DRD1: variants seen among roughly 807,000 people sequenced by gnomAD.
DRD1 encodes the protein dopamine receptor D1.
DRD1 carries 2 observed loss-of-function variants against 23.8 expected under a neutral mutation model. That is an observed-to-expected ratio of 0.08 (90% CI 0.03 to 0.26). DRD1 has a LOEUF of 0.26. DRD1 is among the 10% of genes least tolerant of loss of function. DRD1 has a pLI of 1.00. For synonymous variants in DRD1, 218 were observed against 225.7 expected (o/e 0.97, Z 0.30); for missense variants, 376 against 559.0 (o/e 0.67, Z 3.30).
rs777044090 is a variant in DRD1, at chr5:175,442,421, G to T, written c.679C>A (p.Arg227Ser). Reference sequence around the variant, plus strand: ...GCTGCCCTCTCCAAGGCCGCAATGCGCCGTATTTGTTTCTGAGCAATCCTG... The same window carrying T: ...GCTGCCCTCTCCAAGGCCGCAATGCTCCGTATTTGTTTCTGAGCAATCCTG... ...IYRIAQKQIR[R>S]IAALERAAVH... Residue 227 changes from arginine (R) to serine (S), a missense_variant, in exon 2 of 2, where the codon CGC becomes AGC. Arg to Ser is a moderately radical substitution (Grantham distance 110). Transcript: ENST00000393752. This position sits in a 1 kb window ranked among gnomAD's most constrained non-coding sequence, Gnocchi z 7.3. The T allele has an allele frequency of 6.2e-7, 1 of 1,614,164 alleles. No homozygotes were observed. Among genetic ancestry groups the T allele is most frequent in the Non-Finnish European group, 8.5e-7 (1 of 1,180,038 alleles).
Position 175,443,221 on chromosome 5 carries a change from T to C in DRD1, c.-122A>G. ...GCAGCACTTTGCACAGCCAGATTGCTTCCCTGGCAGAGGGCCTCACCAACA... is the reference window on the plus strand; with the variant it reads ...GCAGCACTTTGCACAGCCAGATTGCCTCCCTGGCAGAGGGCCTCACCAACA... On this transcript the variant is annotated 5_prime_UTR_variant, in exon 2 of 2. Transcript: ENST00000393752. The C allele has an allele frequency of 7.3e-7, 1 of 1,368,898 alleles. No individual in the cohort carries two copies. 84.8% of individuals were successfully genotyped at this position (1,368,898 alleles called of 1,614,324 possible). A position where few individuals can be genotyped will look rare whatever the true frequency, so the allele number is the denominator to read the frequency against.
At position 175,441,928 on chromosome 5, in the gene DRD1, A is replaced by G. The variant is rs1758526314; in HGVS notation, c.1172T>C (p.Ile391Thr). The G allele has an allele frequency of 6.2e-7, 1 of 1,613,954 alleles. No homozygotes were observed. The highest frequency in any genetic ancestry group is 8.5e-7 in the Non-Finnish European group (1 of 1,180,008). Residue 391 changes from isoleucine (I) to threonine (T), a missense_variant, in exon 2 of 2, where the codon ATC (isoleucine) becomes ACC (threonine). Ile to Thr is a moderately conservative substitution (Grantham distance 89, BLOSUM62 -1). Around this residue, in one of 5 missense-constraint regions of DRD1, gnomAD observed 117 missense variants for 126.9 expected, o/e 0.92. Transcript: ENST00000393752. ...CTCAGAGGAGCCCACAGCATGTGGGATCAGGTAAACCAGATTGCACTCCTT... is the reference window on the plus strand; with the variant it reads ...CTCAGAGGAGCCCACAGCATGTGGGGTCAGGTAAACCAGATTGCACTCCTT... Reference protein sequence around the residue: ...ISKECNLVYLIPHAVGSSEDL... With the variant: ...ISKECNLVYLTPHAVGSSEDL...
At position 175,441,921 on chromosome 5, in the gene DRD1, A is replaced by G; in HGVS notation, c.1179T>C (p.His393=). Residue 393 remains histidine (H), a synonymous_variant, in exon 2 of 2, where the codon CAT becomes CAC. Transcript: ENST00000393752. Reference sequence around the variant, plus strand: ...TCAGGTCCTCAGAGGAGCCCACAGCATGTGGGATCAGGTAAACCAGATTGC... The same window carrying G: ...TCAGGTCCTCAGAGGAGCCCACAGCGTGTGGGATCAGGTAAACCAGATTGC... The part of the protein sequence containing the change: ...KECNLVYLIP[H]AVGSSEDLKK... The G allele has an allele frequency of 6.2e-7, 1 of 1,614,180 alleles. No individual in the cohort carries two copies. The highest frequency in any genetic ancestry group is 1.1e-5 in the South Asian group (1 of 91,090).
Position 175,441,203 on chromosome 5 carries a change from A to T in DRD1, c.*556T>A, listed in dbSNP as rs1045715139. On this transcript the variant is annotated 3_prime_UTR_variant, in exon 2 of 2. Transcript: ENST00000393752. ...ATATATATTTATTATATCATAAATTAAAAATATCCATATATACAATAAATA... is the reference window on the plus strand; with the variant it reads ...ATATATATTTATTATATCATAAATTTAAAATATCCATATATACAATAAATA... The T allele has an allele frequency of 1.3e-5, 2 of 151,754 alleles. No homozygotes were observed. Among genetic ancestry groups the T allele is most frequent in the Non-Finnish European group, 2.9e-5 (2 of 67,904 alleles). 9.4% of individuals were successfully genotyped at this position (151,754 alleles called of 1,614,324 possible).
Position 175,441,647 on chromosome 5 carries a change from G to C in DRD1, c.*112C>G. 1 of 1,325,098 alleles carries C rather than the reference G, an allele frequency of 7.5e-7. No homozygotes were observed. The highest frequency in any genetic ancestry group is 1.0e-6 in the Non-Finnish European group (1 of 979,218). The allele number at this position is 1,325,098 out of a possible 1,614,324, so 82.1% of individuals were successfully genotyped here. ...ATTGTGTGTTGGAAAGCAGCAGAGG[G>C]CTCTCCTGACACCTCAGAGTCTCAC... On this transcript the variant is annotated 3_prime_UTR_variant, in exon 2 of 2. Transcript: ENST00000393752.
At position 175,442,857 on chromosome 5, in the gene DRD1, C is replaced by T. The variant is rs768680344; in HGVS notation, c.243G>A (p.Lys81=). The T allele has an allele frequency of 9.3e-6, 15 of 1,614,086 alleles. No individual in the cohort carries two copies. The South Asian group carries it at 1.6e-4, about 18-fold the overall frequency. The stretch of plus-strand genomic sequence containing the variant: ...AGAAGCCAGCAATCTCAGCCACTGC[C>T]TTCCAGGGCATGACCAGGACGGCCA... ...LLVAVLVMPW[K]AVAEIAGFWP... Residue 81 remains lysine, a synonymous_variant, in exon 2 of 2, where the codon AAG becomes AAA. Transcript: ENST00000393752. The surrounding 1 kb of genome is among the most constrained non-coding windows in gnomAD (Gnocchi z 7.3).
At position 175,441,753 on chromosome 5, in the gene DRD1, G is replaced by A. The variant is rs1758521579; in HGVS notation, c.*6C>T. 2.6e-6 allele frequency: 4 copies of A among 1,555,338 alleles called. No individual in the cohort carries two copies. The East Asian group carries it at 6.8e-5, about 26-fold the overall frequency. On this transcript the variant is annotated 3_prime_UTR_variant, in exon 2 of 2. Transcript: ENST00000393752. ...TGAGCATGTGTGGCAGGATTCATCT[G>A]CGAGTTCAGGTTGGGTGCTGACCGT... is the stretch of plus-strand genomic sequence containing the variant.
chr5:175,442,744 A>C lies in DRD1; in HGVS notation c.356T>G (p.Val119Gly). 6.2e-7 allele frequency: 1 copy of C among 1,614,118 alleles called. No homozygotes were observed. The highest frequency in any genetic ancestry group is 8.5e-7 in the Non-Finnish European group (1 of 1,180,032). Residue 119 changes from valine to glycine, a missense_variant, in exon 2 of 2, where the codon GTG becomes GGG. By Grantham distance (109) the Val-to-Gly change is moderately radical. Around this residue, in one of 5 missense-constraint regions of DRD1, gnomAD observed 121 missense variants for 239.4 expected, o/e 0.51. Coordinates refer to ENST00000393752, the MANE Select transcript of DRD1 (RefSeq NM_000794.5). This position sits in a 1 kb window ranked among gnomAD's most constrained non-coding sequence, Gnocchi z 7.3. ...GCTGGAGATAGCCCAATACCTGTCC[A>C]CGCTGATCACACAGAGGTTGAGGAT... The part of the protein sequence containing the change: ...ASILNLCVIS[V>G]DRYWAISSPF...
chr5:175,441,727 A>T lies in DRD1; in HGVS notation c.*32T>A. 1 of 1,531,198 alleles carries T rather than the reference A, an allele frequency of 6.5e-7. No homozygotes were observed. The highest frequency in any genetic ancestry group is 1.8e-4 in the Middle Eastern group (1 of 5,674). 94.9% of individuals were successfully genotyped at this position (1,531,198 alleles called of 1,614,324 possible). On this transcript the variant is annotated 3_prime_UTR_variant, in exon 2 of 2. Transcript: ENST00000393752. ...AGAGCAATCTCCTCTAGCTTTTGGG[A>T]TGAGCATGTGTGGCAGGATTCATCT...
Position 175,442,402 on chromosome 5 carries a change from C to A in DRD1, c.698G>T (p.Arg233Met). 6.2e-7 allele frequency: 1 copy of A among 1,614,206 alleles called. No homozygotes were observed. Among genetic ancestry groups the A allele is most frequent in the Non-Finnish European group, 8.5e-7 (1 of 1,180,042 alleles). The change falls in exon 2 of 2, where the codon AGG becomes ATG. Residue 233 changes from arginine to methionine, a missense_variant. Physicochemically the swap from Arg to Met is moderately conservative, Grantham distance 91. Transcript: ENST00000393752. The surrounding 1 kb of genome is among the most constrained non-coding windows in gnomAD (Gnocchi z 7.3). ...KQIRRIAALE[R>M]AAVHAKNCQT... ...GCAATTCTTGGCGTGGACTGCTGCC[C>A]TCTCCAAGGCCGCAATGCGCCGTAT... is the stretch of plus-strand genomic sequence containing the variant.
chr5:175,443,182 G>A lies in DRD1; in HGVS notation c.-83C>T, dbSNP rs1758556013. 6.5e-7 allele frequency: 1 copy of A among 1,532,654 alleles called. No individual in the cohort carries two copies. Among genetic ancestry groups the A allele is most frequent in the African/African-American group, 1.4e-5 (1 of 72,552 alleles). 94.9% of individuals were successfully genotyped at this position (1,532,654 alleles called of 1,614,324 possible). ...ATAGGGGTCAGTCAGATTTCCAGGA[G>A]TCCTCCCCACCAGGCAGCACTTTGC... is the stretch of plus-strand genomic sequence containing the variant. On this transcript the variant is annotated 5_prime_UTR_variant, in exon 2 of 2. Transcript: ENST00000393752.
In DRD1 at chr5:175,440,675, GA is replaced by G. The variant is rs1468715252; in HGVS notation, c.*1083del. The G allele has an allele frequency of 6.6e-6, 1 of 152,594 alleles. No individual in the cohort carries two copies. The highest frequency in any genetic ancestry group is 1.5e-5 in the Non-Finnish European group (1 of 68,032). 9.5% of individuals were successfully genotyped at this position (152,594 alleles called of 1,614,324 possible). A position where few individuals can be genotyped will look rare whatever the true frequency, so the allele number is the denominator to read the frequency against. On this transcript the variant is annotated 3_prime_UTR_variant, in exon 2 of 2. Transcript: ENST00000393752. ...CCAGGAAAGCCATTTGTGTGGTTCA[GA>G]AAAACTACCTGACACATGAAATGAG...
In DRD1 at chr5:175,443,170, A is replaced by C; in HGVS notation, c.-71T>G. The C allele has an allele frequency of 1.3e-6, 2 of 1,545,676 alleles. No homozygotes were observed. Among genetic ancestry groups the C allele is most frequent in the Admixed American group, 3.9e-5 (2 of 51,222 alleles). On this transcript the variant is annotated 5_prime_UTR_variant, in exon 2 of 2. Transcript: ENST00000393752. ...CCCAAGCAGGGAATAGGGGTCAGTC[A>C]GATTTCCAGGAGTCCTCCCCACCAG...
rs1163004632 is a variant in DRD1 at position 175,442,710 on chromosome 5, C to T, written c.390G>A (p.Arg130=). The part of the protein sequence containing the change: ...DRYWAISSPF[R]YERKMTPKAA... ...CCTTGGGGGTCATCTTTCTCTCATA[C>T]CGGAAAGGGCTGGAGATAGCCCAAT... Residue 130 remains arginine (R), a synonymous_variant, in exon 2 of 2, where the codon CGG becomes CGA. Transcript: ENST00000393752. The surrounding 1 kb of genome is among the most constrained non-coding windows in gnomAD (Gnocchi z 7.3). The T allele has an allele frequency of 2.5e-6, 4 of 1,613,946 alleles. No individual in the cohort carries two copies. The highest frequency in any genetic ancestry group is 2.2e-5 in the East Asian group (1 of 44,880).
rs528645013 is a variant in DRD1, at chr5:175,442,013, T to C, written c.1087A>G (p.Ile363Val). The change falls in exon 2 of 2, where the codon ATC (isoleucine) becomes GTC (valine). Residue 363 changes from isoleucine to valine, a missense_variant. Physicochemically the swap from Ile to Val is conservative, Grantham distance 29 (BLOSUM62 3). Around this residue, in one of 5 missense-constraint regions of DRD1, gnomAD observed 117 missense variants for 126.9 expected, o/e 0.92. Coordinates refer to ENST00000393752, the MANE Select transcript of DRD1 (RefSeq NM_000794.5). The surrounding 1 kb of genome is among the most constrained non-coding windows in gnomAD (Gnocchi z 7.3). The stretch of plus-strand genomic sequence containing the variant: ...AACATCGCGGCCCCATTGTTATTGA[T>C]ACTCACCGTCTCTATGGCATTATTC... ...ATNNAIETVS[I>V]NNNGAAMFSS... 8.1e-6 allele frequency: 13 copies of C among 1,614,172 alleles called. No individual in the cohort carries two copies. Among genetic ancestry groups the C allele is most frequent in the African/African-American group, 1.3e-5 (1 of 75,042 alleles).
Position 175,442,552 on chromosome 5 carries a change from A to G in DRD1, c.548T>C (p.Ile183Thr). The change falls in exon 2 of 2, where the codon ATA becomes ACA. Residue 183 changes from isoleucine to threonine, a missense_variant. Around this residue, in one of 5 missense-constraint regions of DRD1, gnomAD observed 121 missense variants for 239.4 expected, o/e 0.51. Transcript: ENST00000393752. This position sits in a 1 kb window ranked among gnomAD's most constrained non-coding sequence, Gnocchi z 7.3. ...GCTGAGGCTGGAGTCACAGTTGTCT[A>G]TGGTCTCAGCCAGGGAAGTGGCATT... Reference protein sequence around the residue: ...DGNATSLAETIDNCDSSLSRT... With the variant: ...DGNATSLAETTDNCDSSLSRT... 1 of 1,614,204 alleles carries G rather than the reference A, an allele frequency of 6.2e-7. No individual in the cohort carries two copies. Among genetic ancestry groups the G allele is most frequent in the South Asian group, 1.1e-5 (1 of 91,084 alleles).
chr5:175,442,581 A>C lies in DRD1; in HGVS notation c.519T>G (p.Asp173Glu), dbSNP rs944182478. The C allele has an allele frequency of 2.5e-6, 4 of 1,614,112 alleles. No individual in the cohort carries two copies. The African/African-American group carries it at 5.3e-5, about 22-fold the overall frequency. The change falls in exon 2 of 2, where the codon GAT becomes GAG. Residue 173 changes from aspartate to glutamate, a missense_variant. This residue lies in a region of DRD1 where 121 missense variants were observed against 239.4 expected (regional missense o/e 0.51). Coordinates refer to ENST00000393752, the MANE Select transcript of DRD1 (RefSeq NM_000794.5). This position sits in a 1 kb window ranked among gnomAD's most constrained non-coding sequence, Gnocchi z 7.3. ...TCTCAGCCAGGGAAGTGGCATTTCCATCAGAGGGGCTTGTGGGTTTTGCCT... is the reference window on the plus strand; with the variant it reads ...TCTCAGCCAGGGAAGTGGCATTTCCCTCAGAGGGGCTTGTGGGTTTTGCCT... ...WHKAKPTSPSDGNATSLAETI... is the reference protein window; with the variant it reads ...WHKAKPTSPSEGNATSLAETI...
In DRD1 at chr5:175,442,728, A is replaced by G. The variant is rs1434563427; in HGVS notation, c.372T>C (p.Ala124=). 6.2e-7 allele frequency: 1 copy of G among 1,614,160 alleles called. No individual in the cohort carries two copies. Among genetic ancestry groups the G allele is most frequent in the Admixed American group, 1.7e-5 (1 of 60,020 alleles). ...LCVISVDRYW[A]ISSPFRYERK... ...TCTCATACCGGAAAGGGCTGGAGATAGCCCAATACCTGTCCACGCTGATCA... is the reference window on the plus strand; with the variant it reads ...TCTCATACCGGAAAGGGCTGGAGATGGCCCAATACCTGTCCACGCTGATCA... The change falls in exon 2 of 2, where the codon GCT becomes GCC. Residue 124 remains alanine, a synonymous_variant. Coordinates refer to ENST00000393752, the MANE Select transcript of DRD1 (RefSeq NM_000794.5). The surrounding 1 kb of genome is among the most constrained non-coding windows in gnomAD (Gnocchi z 7.3).
At position 175,443,257 on chromosome 5, in the gene DRD1, G is replaced by A. The variant is rs1758557040; in HGVS notation, c.-158C>T. On this transcript the variant is annotated 5_prime_UTR_variant, in exon 2 of 2. Coordinates refer to ENST00000393752, the MANE Select transcript of DRD1 (RefSeq NM_000794.5). ...AGGGCCTCACCAACATTCCATGAGAGGACCGCTTGAGTGGCAATCCAAGTC... is the reference window on the plus strand; with the variant it reads ...AGGGCCTCACCAACATTCCATGAGAAGACCGCTTGAGTGGCAATCCAAGTC... 3 of 945,418 alleles carry A rather than the reference G, an allele frequency of 3.2e-6. No homozygotes were observed. In the African/African-American group the frequency reaches 5.0e-5, roughly 16 times the overall value. The allele number at this position is 945,418 out of a possible 1,614,324, so 58.6% of individuals were successfully genotyped here.
Sources: gnomAD v4.1 joint callset for allele counts on GRCh38, gnomAD v4.1.1 for gene constraint, gnomAD v4.1.1 regional missense constraint, Gnocchi (gnomAD v3.1) non-coding constraint, MANE v1.5 for transcripts, NCBI Gene and HGNC (gene_info 2026-07-23, HGNC 2026-07-21) for gene names.